Variants in IL16 observed in about 807,000 individuals in gnomAD.
IL16 encodes the protein pro-interleukin-16.
Under a neutral mutation model 110.1 loss-of-function variants are expected in IL16, and 67 were observed. That is an observed-to-expected ratio of 0.61 (90% CI 0.50 to 0.75). The LOEUF (loss-of-function observed/expected upper bound fraction) is 0.75, where lower values mean the gene tolerates loss of function less well. Among genes scored for constraint, IL16 ranks in the 30% least tolerant of loss-of-function variants. The pLI, the probability that IL16 is intolerant of heterozygous loss-of-function variation, is 0.00. For missense variants in IL16, 1,545 were observed against 1,655.0 expected (o/e 0.93, Z 1.15); for synonymous variants, 689 against 662.9 (o/e 1.04, Z -0.61).
intron 1 of IL16, among the ~76,000 whole-genome samples, chr15:81,204,575 G>T (rs903810545): frequency 2.0e-5 from 3 of 152,102 alleles, no homozygotes; most frequent in Non-Finnish European, 2.9e-5. Context: ...CATCTATTGA[G>T]ATAATCATGT....
intron 11 of IL16, among the ~76,000 whole-genome samples, chr15:81,291,213 T>C (rs1159684998): frequency 1.3e-5 from 2 of 152,194 alleles, no homozygotes; most frequent in East Asian, 1.9e-4. Context: ...AATTAAATGA[T>C]CTGGGGAAAT....
At chr15:81,291,772 C>T (rs969533995) in intron 11 of IL16, among the ~76,000 whole-genome samples, 5 of 152,158 alleles carry the variant, frequency 3.3e-5, no homozygotes, top group African/African-American at 9.7e-5. Flanking sequence ...TAAGAAATAG[C>T]GGCTTTCTGC....
chr15:81,271,724 G>T (rs1244070811), intron 5 of IL16, among the ~76,000 whole-genome samples: 1 of 152,104 alleles, frequency 6.6e-6, no homozygotes, highest in Non-Finnish European at 1.5e-5. Flanking sequence ...CCCTGAAGGG[G>T]CTCCTACCTC....
intron 2 of IL16, among the ~76,000 whole-genome samples, chr15:81,239,909 C>T (rs369206934): frequency 1.3e-5 from 2 of 152,144 alleles, no homozygotes; most frequent in South Asian, 4.1e-4. Context: ...ATTGTTGTTT[C>T]CCAAGTCCTG....
chr15:81,280,539 G>T lies in IL16; in HGVS notation c.1081+765G>T, dbSNP rs112874350. 2.0e-3 allele frequency among the ~76,000 whole-genome samples: 304 copies of T among 152,352 alleles called. 1 individual carries two copies. The highest frequency in any genetic ancestry group is 6.9e-3 in the African/African-American group (289 of 41,588). The stretch of plus-strand genomic sequence containing the variant: ...AAAATGTCTCCTAGGGTTCTTCACG[G>T]AGAATGGCCCATAGTGTGACAAAAG... On this transcript the variant is annotated intron_variant, in intron 8 of 18. Coordinates refer to ENST00000683961, the MANE Select transcript of IL16 (RefSeq NM_172217.5).
intron 2 of IL16, among the ~76,000 whole-genome samples, chr15:81,250,498 G>A (rs1006451761): frequency 6.6e-6 from 1 of 152,108 alleles, no homozygotes; most frequent in African/African-American, 2.4e-5. Context: ...TTCAATGTGT[G>A]TTTTATCTTA....
intron 1 of IL16, among the ~76,000 whole-genome samples, chr15:81,212,348 A>G (rs1030239631): frequency 3.3e-5 from 5 of 152,212 alleles, no homozygotes; most frequent in African/African-American, 1.2e-4. Flanking sequence ...TTATAATACC[A>G]TCTTTATTTA....
In IL16 at chr15:81,302,443, C is replaced by T. The variant is rs553956463; in HGVS notation, c.3318+931C>T. 3.3e-5 allele frequency among the ~76,000 whole-genome samples: 5 copies of T among 152,262 alleles called. 1 individual carries two copies. The highest frequency in any genetic ancestry group is 1.2e-4 in the African/African-American group (5 of 41,536). ...TATTTGCTTTCTAACATGAGAAGAG[C>T]CTTCTACAAGGCAAGTAACCTGATA... On this transcript the variant is annotated intron_variant, in intron 15 of 18. Transcript: ENST00000683961.
At chr15:81,273,068 G>T in intron 5 of IL16, 22 bp from the exon 6 acceptor site, 1 of 1,588,212 alleles carries the variant, frequency 6.3e-7, no homozygotes, top group South Asian at 1.1e-5. Flanking sequence ...CCCTAAATCA[G>T]ACCTTCTCTT....
chr15:81,221,784 CCCATGGGCCCTGCCATCCCA>C (rs1303940175), intron 1 of IL16, among the ~76,000 whole-genome samples: 6 of 152,194 alleles, frequency 3.9e-5, no homozygotes, highest in Non-Finnish European at 8.8e-5. Flanking sequence ...CATCTCCCAT[CCCATGGGCCCTGCCATCCCA>C]CATGAGAGCC....
chr15:81,280,529 G>T (rs777263059), intron 8 of IL16, among the ~76,000 whole-genome samples: 10 of 152,348 alleles, frequency 6.6e-5, no homozygotes, highest in Middle Eastern at 3.4e-3. Flanking sequence ...GTCTCCTAGG[G>T]TTCTTCACGG....
At chr15:81,193,936 G>T (rs1470321250), upstream of IL16, among the ~76,000 whole-genome samples, 1 of 151,966 alleles carries the variant, frequency 6.6e-6, no homozygotes. Flanking sequence ...AGTTAAAATT[G>T]TTACATTACT....
chr15:81,190,320 T>G (rs1895480341), intron 1 of IL16, among the ~76,000 whole-genome samples: 1 of 152,192 alleles, frequency 6.6e-6, no homozygotes, highest in Non-Finnish European at 1.5e-5. Flanking sequence ...TCCCTCCCAG[T>G]GTGGCGTTTA....
At position 81,243,176 on chromosome 15, in the gene IL16, T is replaced by TTG. The variant is rs1897408719; in HGVS notation, c.313-16595_313-16594insGT. On this transcript the variant is annotated intron_variant, in intron 2 of 18. Transcript: ENST00000683961. ...ATATATATATATATTTTTTTTTTTT[T>TTG]TTTTTTTTTTTTTTTTTGAGGCAAG... 3.8e-5 allele frequency among the ~76,000 whole-genome samples: 3 copies of TTG among 78,134 alleles called. No homozygotes were observed. The South Asian group carries it at 1.7e-3, about 44-fold the overall frequency. 51.3% of individuals were successfully genotyped at this position (78,134 alleles called of 152,430 possible). A position where few individuals can be genotyped will look rare whatever the true frequency, so the allele number is the denominator to read the frequency against.
intron 1 of IL16, among the ~76,000 whole-genome samples, chr15:81,211,425 A>C (rs185898897): frequency 6.6e-5 from 10 of 152,016 alleles, no homozygotes; most frequent in Non-Finnish European, 1.0e-4. Context: ...CTAATTTTGC[A>C]GTTTTTAGTA....
At chr15:81,294,871 G>A (rs1257260256) in intron 12 of IL16, among the ~76,000 whole-genome samples, 1 of 152,104 alleles carries the variant, frequency 6.6e-6, no homozygotes, top group Non-Finnish European at 1.5e-5. Flanking sequence ...ATTTCTCACT[G>A]GATGTTTTCT....
intron 4 of IL16, 137 bp downstream of exon 4, chr15:81,265,938 G>A (rs1898363842): frequency 2.6e-6 from 2 of 772,196 alleles, no homozygotes; most frequent in African/African-American, 3.5e-5. Context: ...GTCTCGCTTA[G>A]TAGCTGCAAG....
Position 81,187,303 on chromosome 15 carries a change from T to G in IL16, c.40+4407T>G, listed in dbSNP as rs1412340118. Among the ~76,000 whole-genome samples, 13 of 152,322 alleles carry G rather than the reference T, an allele frequency of 8.5e-5. No individual in the cohort carries two copies. The East Asian group carries it at 2.3e-3, about 27-fold the overall frequency. ...AGCACACCCCTAGCAAGGCATAAAA[T>G]GTTATCATCACTGGCTGGATGCAGT... On this transcript the variant is annotated intron_variant, in intron 1 of 18. Coordinates refer to the IL16 transcript ENST00000302987.
chr15:81,197,719 TTTTG>T (rs199726511), intron 1 of IL16, among the ~76,000 whole-genome samples: 2,872 of 152,048 alleles, frequency 0.019, 88 homozygotes, highest in African/African-American at 0.065. Flanking sequence ...TGTTTTTGTT[TTTTG>T]TTTGTTTGTT....
Sources: allele counts gnomAD v4.1 joint callset (sites outside exome capture counted in the v4.1 genomes callset), GRCh38; gene constraint gnomAD v4.1.1; transcripts MANE v1.5; gene names NCBI Gene and HGNC (gene_info 2026-07-23, HGNC 2026-07-21).